The following PTPN12 variants were observed in gnomAD, a reference collection of about 807,000 sequenced individuals.
PTPN12 encodes protein tyrosine phosphatase non-receptor type 12.
In PTPN12, 29 loss-of-function variants were observed where a neutral mutation model predicts 97.6. That is an observed-to-expected ratio of 0.30 (90% CI 0.22 to 0.41). The LOEUF is 0.41. Ranked by LOEUF, PTPN12 falls within the 10% of genes least tolerant of loss-of-function variation. The probability of loss-of-function intolerance (pLI) is 1.00; values close to 1 mark genes in which losing one functional copy is unlikely to be tolerated. For synonymous variants in PTPN12, 327 were observed against 300.4 expected (o/e 1.09, Z -0.91); for missense variants, 819 against 926.0 (o/e 0.88, Z 1.50).
chr7:77,631,475 C>T (rs1048941630), intron 13 of PTPN12, among the ~76,000 whole-genome samples: 22 of 152,120 alleles, frequency 1.4e-4, no homozygotes, highest in African/African-American at 5.1e-4. Context: ...ACAGGACCGT[C>T]GCATTTCTTT....
intron 2 of PTPN12, among the ~76,000 whole-genome samples, chr7:77,573,568 A>T (rs533498882): frequency 6.6e-6 from 1 of 152,340 alleles, no homozygotes; most frequent in Admixed American, 6.5e-5. Flanking sequence ...GGACACAAAT[A>T]TTCAGACCAT....
At chr7:77,555,205 A>G (rs989061614) in intron 1 of PTPN12, among the ~76,000 whole-genome samples, 2 of 149,886 alleles carry the variant, frequency 1.3e-5, no homozygotes, top group African/African-American at 2.4e-5. Flanking sequence ...GGCTTTTTAA[A>G]CGATTTGTTT....
chr7:77,593,189 A>C (rs1787919026), intron 6 of PTPN12, among the ~76,000 whole-genome samples: 2 of 151,866 alleles, frequency 1.3e-5, no homozygotes, highest in Admixed American at 6.6e-5. Flanking sequence ...GAATTGCTTG[A>C]ATCTGGGAGG....
At chr7:77,589,802 TCTC>T (rs1787808579) in intron 5 of PTPN12, among the ~76,000 whole-genome samples, 1 of 152,186 alleles carries the variant, frequency 6.6e-6, no homozygotes. Context: ...TAAATGTCAT[TCTC>T]CTAATGTTTT....
At chr7:77,540,692 TTAAGACAGCCGG>T (rs1311235798) in intron 1 of PTPN12, among the ~76,000 whole-genome samples, 1 of 151,990 alleles carries the variant, frequency 6.6e-6, no homozygotes, top group Non-Finnish European at 1.5e-5. Context: ...ATAGCTGTAA[TTAAGACAGCCGG>T]TAGTTGGTGC....
chr7:77,585,507 A>G (rs1554317199), intron 4 of PTPN12, 36 bp from the exon 5 acceptor site: 1 of 1,568,534 alleles, frequency 6.4e-7, no homozygotes, highest in South Asian at 1.1e-5. Flanking sequence ...TTTAACTGAT[A>G]CGTTCTTTAT....
intron 13 of PTPN12, among the ~76,000 whole-genome samples, chr7:77,632,063 G>A (rs1789416870): frequency 6.6e-6 from 1 of 152,200 alleles, no homozygotes; most frequent in Non-Finnish European, 1.5e-5. Context: ...GAAGTCACTT[G>A]CCAGCTGACT....
chr7:77,558,849 A>G (rs1807854677), intron 1 of PTPN12, among the ~76,000 whole-genome samples: 1 of 152,074 alleles, frequency 6.6e-6, no homozygotes, highest in South Asian at 2.1e-4. Flanking sequence ...TCTCTACAAA[A>G]CATTTTTAAA....
intron 1 of PTPN12, 53 bp downstream of exon 1, chr7:77,537,698 C>T: frequency 3.9e-6 from 6 of 1,521,844 alleles, no homozygotes; most frequent in Non-Finnish European, 4.4e-6. Flanking sequence ...GAGCCCATCG[C>T]CGCCTCTCCC....
intron 6 of PTPN12, among the ~76,000 whole-genome samples, chr7:77,597,357 A>C (rs1788054309): frequency 6.6e-6 from 1 of 152,166 alleles, no homozygotes; most frequent in Non-Finnish European, 1.5e-5. Context: ...TCCTGACCTC[A>C]AGTGATCCAC....
intron 13 of PTPN12, among the ~76,000 whole-genome samples, chr7:77,628,395 C>T (rs1789277591): frequency 1.3e-5 from 2 of 152,082 alleles, no homozygotes. Context: ...TGATGGCTAC[C>T]ATCTTAAACA....
intron 12 of PTPN12, among the ~76,000 whole-genome samples, chr7:77,622,726 G>A (rs1375182528): frequency 2.0e-5 from 3 of 151,952 alleles, no homozygotes; most frequent in African/African-American, 4.8e-5. Flanking sequence ...AGTCGAGATC[G>A]CGCCACTGCT....
intron 2 of PTPN12, among the ~76,000 whole-genome samples, chr7:77,580,972 A>G (rs1787495738): frequency 6.6e-6 from 1 of 152,202 alleles, no homozygotes; most frequent in African/African-American, 2.4e-5. Flanking sequence ...TGAATTTTAA[A>G]AGAGTTCCAG....
At chr7:77,556,282 C>G (rs550064569) in intron 1 of PTPN12, among the ~76,000 whole-genome samples, 18 of 152,056 alleles carry the variant, frequency 1.2e-4, no homozygotes, top group Non-Finnish European at 2.4e-4. Flanking sequence ...AGGCTGGTCT[C>G]GAACTCCTGG....
intron 1 of PTPN12, among the ~76,000 whole-genome samples, chr7:77,550,412 T>TA (rs1168459919): frequency 6.6e-6 from 1 of 152,154 alleles, no homozygotes; most frequent in African/African-American, 2.4e-5. Context: ...AATTAAAATA[T>TA]AAAGTTAATT....
rs1431020890 is a variant in PTPN12 at position 77,548,437 on chromosome 7, GTA to G, written c.99+10794_99+10795del. Among the ~76,000 whole-genome samples the G allele has an allele frequency of 2.6e-5, 4 of 152,302 alleles. No individual in the cohort carries two copies. The East Asian group carries it at 7.7e-4, about 29-fold the overall frequency. ...CTCTAGACACCTTCTTCCCCATTGT[GTA>G]TGTTGGTTTTACTCCTGACGTCATA... On this transcript the variant is annotated intron_variant, in intron 1 of 17. Transcript: ENST00000248594.
intron 2 of PTPN12, among the ~76,000 whole-genome samples, chr7:77,580,626 T>G (rs1787483728): frequency 6.6e-6 from 1 of 152,116 alleles, no homozygotes; most frequent in South Asian, 2.1e-4. Flanking sequence ...TATATACATA[T>G]TCCTTTAAAA....
At chr7:77,638,278 C>G (rs986774645) in intron 16 of PTPN12, among the ~76,000 whole-genome samples, 1 of 151,994 alleles carries the variant, frequency 6.6e-6, no homozygotes, top group African/African-American at 2.4e-5. Context: ...GATTTCTATA[C>G]AAAGACATTT....
intron 9 of PTPN12, among the ~76,000 whole-genome samples, chr7:77,610,077 A>G (rs916438343): frequency 2.0e-5 from 3 of 152,222 alleles, no homozygotes; most frequent in Non-Finnish European, 4.4e-5. Context: ...CTTCCTTGAT[A>G]CAAAAATTGT....
Sources: allele counts gnomAD v4.1 joint callset (sites outside exome capture counted in the v4.1 genomes callset), GRCh38; gene constraint gnomAD v4.1.1; transcripts MANE v1.5; gene names NCBI Gene and HGNC (gene_info 2026-07-23, HGNC 2026-07-21).